Variants in ACE observed in about 807,000 individuals in gnomAD.
ACE encodes the protein angiotensin-converting enzyme.
ACE carries 122 observed loss-of-function variants against 162.3 expected under a neutral mutation model. The observed-to-expected ratio is 0.75, with a 90% CI of 0.65 to 0.87. The LOEUF (loss-of-function observed/expected upper bound fraction) is 0.87. Among genes scored for constraint, ACE ranks in the 40% least tolerant of loss-of-function variants. ACE has a pLI of 0.00. For synonymous variants in ACE, 796 were observed against 720.6 expected, an observed-to-expected ratio of 1.10 and a Z score of -1.68; for missense variants, 1,799 against 1,735.1, an observed-to-expected ratio of 1.04 and a Z score of -0.65.
rs543615193 is a variant in ACE, at chr17:63,478,946, A to G, written c.418-61A>G. On this transcript the variant is annotated intron_variant, in intron 2 of 24. Coordinates refer to ENST00000290866, the MANE Select transcript of ACE (RefSeq NM_000789.4). ...CTGTGGGCTCCTCCTTCTAGCAGCG[A>G]GGGGAGGGCAGATGTCCCAGGGGCT... is the stretch of plus-strand genomic sequence containing the variant. 1.5e-5 allele frequency: 21 copies of G among 1,424,624 alleles called. No homozygotes were observed. The South Asian group carries it at 2.4e-4, about 16-fold the overall frequency. The allele number at this position is 1,424,624 out of a possible 1,614,324, so 88.2% of individuals were successfully genotyped here.
In ACE at chr17:63,481,177, A is replaced by C; in HGVS notation, c.934A>C (p.Met312Leu). 6.7e-7 allele frequency: 1 copy of C among 1,486,804 alleles called. No individual in the cohort carries two copies. Among genetic ancestry groups the C allele is most frequent in the Non-Finnish European group, 9.1e-7 (1 of 1,095,364 alleles). The allele number at this position is 1,486,804 out of a possible 1,614,324, so 92.1% of individuals were successfully genotyped here. Reference protein sequence around the residue: ...DKPNLDVTSTMLQQGWNATHM... With the variant: ...DKPNLDVTSTLLQQGWNATHM... ...GCCCAACCTCGATGTCACCAGTACTATGCTGCAGCAGGTAAGCTCTGGGCT... is the reference window on the plus strand; with the variant it reads ...GCCCAACCTCGATGTCACCAGTACTCTGCTGCAGCAGGTAAGCTCTGGGCT... The change falls in exon 6 of 25, where the codon ATG becomes CTG. Residue 312 changes from methionine (M) to leucine (L), a missense_variant. Transcript: ENST00000290866.
At position 63,478,038 on chromosome 17, in the gene ACE, G is replaced by C; in HGVS notation, c.357G>C (p.Arg119Ser). 1.2e-6 allele frequency: 2 copies of C among 1,606,442 alleles called. No homozygotes were observed. Among genetic ancestry groups the C allele is most frequent in the Non-Finnish European group, 1.7e-6 (2 of 1,176,866 alleles). ...ACTTCACGGACCCGCAGCTGCGCAG[G>C]ATCATCGGAGCTGTGCGCACCCTGG... ...WQNFTDPQLR[R>S]IIGAVRTLGS... Residue 119 changes from arginine (R) to serine (S), a missense_variant, in exon 2 of 25, where the codon AGG (arginine) becomes AGC (serine). Arg to Ser is a moderately radical substitution (Grantham distance 110). Coordinates refer to ENST00000290866, the MANE Select transcript of ACE (RefSeq NM_000789.4).
Position 63,497,550 on chromosome 17 carries a change from C to T in ACE, c.*184C>T, listed in dbSNP as rs142566653. On this transcript the variant is annotated 3_prime_UTR_variant, in exon 25 of 25. Transcript: ENST00000290866. ...CGCCCCAGCCCCTTCTCCCAGCACA[C>T]GGCTGCCTGACACTGAGCCCCACCT... 1.6e-4 allele frequency: 114 copies of T among 708,564 alleles called. No homozygotes were observed. In the East Asian group the frequency reaches 2.2e-3, roughly 14 times the overall value. The allele number at this position is 708,564 out of a possible 1,614,324, so 43.9% of individuals were successfully genotyped here. A position where few individuals can be genotyped will look rare whatever the true frequency, so the allele number is the denominator to read the frequency against.
At chr17:63,478,963 C>A in intron 2 of ACE, 44 bp from the exon 3 acceptor site, 1 of 1,542,782 alleles carries the variant, frequency 6.5e-7, no homozygotes. Flanking sequence ...GGCAGATGTC[C>A]CAGGGGCTGG....
At position 63,491,987 on chromosome 17, in the gene ACE, A is replaced by T. The variant is rs556069556; in HGVS notation, c.2912+606A>T. 1.6e-4 allele frequency among the ~76,000 whole-genome samples: 25 copies of T among 152,274 alleles called. No individual in the cohort carries two copies. The highest frequency in any genetic ancestry group is 6.0e-4 in the African/African-American group (25 of 41,554). On this transcript the variant is annotated intron_variant, in intron 19 of 24. Transcript: ENST00000290866. The surrounding 1 kb of genome is among the most constrained non-coding windows in gnomAD (Gnocchi z 4.4). Reference sequence around the variant, plus strand: ...CAGCTCTCACAGCCGGGATGGCTCAATGGGGGCCATACGTCCAGAGCCCCA... The same window carrying T: ...CAGCTCTCACAGCCGGGATGGCTCATTGGGGGCCATACGTCCAGAGCCCCA...
chr17:63,486,867 C>T, intron 14 of ACE, 119 bp from the exon 15 acceptor site: 9 of 1,434,560 alleles, frequency 6.3e-6, no homozygotes, highest in South Asian at 1.2e-5. Context: ...GCTGAGAGGG[C>T]AGCGCTCCCC....
At chr17:63,481,522 C>G in intron 6 of ACE, 44 bp from the exon 7 acceptor site, 1 of 1,609,214 alleles carries the variant, frequency 6.2e-7, no homozygotes, top group Non-Finnish European at 8.5e-7. Flanking sequence ...CCCAGGCCAG[C>G]CAGAGTGGGC....
intron 22 of ACE, among the ~76,000 whole-genome samples, chr17:63,495,103 T>C (rs1195175174): frequency 6.6e-6 from 1 of 152,192 alleles, no homozygotes; most frequent in Non-Finnish European, 1.5e-5. Flanking sequence ...TTCTGTCTCA[T>C]ACACAGCCTC....
Position 63,488,774 on chromosome 17 carries a change from A to G in ACE, c.2432A>G (p.Gln811Arg), listed in dbSNP as rs1255043434. Reference sequence around the variant, plus strand: ...CCGAAATACGTGGAACTCATCAACCAGGCTGCCCGGCTCAATGGTGAGTCC... The same window carrying G: ...CCGAAATACGTGGAACTCATCAACCGGGCTGCCCGGCTCAATGGTGAGTCC... ...FYPKYVELIN[Q>R]AARLNGYVDA... The change falls in exon 16 of 25, where the codon CAG becomes CGG. Residue 811 changes from glutamine (Q) to arginine (R), a missense_variant. Gln to Arg is a conservative substitution (Grantham distance 43). Transcript: ENST00000290866. 6.2e-7 allele frequency: 1 copy of G among 1,613,838 alleles called. No homozygotes were observed. The highest frequency in any genetic ancestry group is 8.5e-7 in the Non-Finnish European group (1 of 1,180,018).
At chr17:63,483,383 A>G (rs1169368871) in intron 9 of ACE, 77 bp from the exon 10 acceptor site, 1 of 1,491,916 alleles carries the variant, frequency 6.7e-7, no homozygotes, top group East Asian at 2.3e-5. Flanking sequence ...GCCGGGTGGA[A>G]ATGCCTTTTC....
At position 63,483,107 on chromosome 17, in the gene ACE, G is replaced by A. The variant is rs762742726; in HGVS notation, c.1421G>A (p.Trp474Ter). The change falls in exon 9 of 25, where the codon TGG becomes TAG. Residue 474 changes from tryptophan to a stop codon, truncating the protein, a stop_gained. Coordinates refer to ENST00000290866, the MANE Select transcript of ACE (RefSeq NM_000789.4). LOFTEE classifies it high-confidence loss of function. ...CCCTTTGGCTACTTGGTGGACCAGT[G>A]GCGCTGGGGGGTCTTTAGTGGGCGT... ...FLPFGYLVDQ[W>*]RWGVFSGRTP... 6.2e-7 allele frequency: 1 copy of A among 1,614,178 alleles called. No individual in the cohort carries two copies. The highest frequency in any genetic ancestry group is 8.5e-7 in the Non-Finnish European group (1 of 1,180,036).
intron 22 of ACE, among the ~76,000 whole-genome samples, chr17:63,495,293 C>T (rs1330295105): frequency 6.6e-6 from 1 of 152,084 alleles, no homozygotes; most frequent in Admixed American, 6.5e-5. Context: ...CCGGGAGGCT[C>T]CCTGGGAGGC....
chr17:63,482,897 G>A (rs1441744061), intron 8 of ACE, 132 bp from the exon 9 acceptor site: 2 of 1,143,818 alleles, frequency 1.7e-6, no homozygotes, highest in Non-Finnish European at 2.6e-6. Flanking sequence ...AGGGCCCAGG[G>A]TCTCGAGGGC....
chr17:63,485,226 T>C lies in ACE; in HGVS notation c.1922-10T>C. 3.1e-6 allele frequency: 5 copies of C among 1,614,048 alleles called. No individual in the cohort carries two copies. The African/African-American group carries it at 5.3e-5, about 17-fold the overall frequency. On this transcript the variant is annotated splice_polypyrimidine_tract_variant and intron_variant, in intron 12 of 24. Transcript: ENST00000290866. ...GAGGTTTGTCTGTTTCCCTGCACTC[T>C]GTCCCACAGACCTGGTGACTGATGA... is the stretch of plus-strand genomic sequence containing the variant.
chr17:63,478,843 TC>T, intron 2 of ACE, 163 bp from the exon 3 acceptor site: 1 of 679,538 alleles, frequency 1.5e-6, no homozygotes, highest in Non-Finnish European at 2.7e-6. Flanking sequence ...TCAGAAGTGA[TC>T]CGGTCACACT....
chr17:63,480,600 C>T, intron 5 of ACE, 72 bp downstream of exon 5: 2 of 1,545,932 alleles, frequency 1.3e-6, no homozygotes, highest in African/African-American at 1.4e-5. Context: ...GGGGGATGTC[C>T]AGGGTAAGGG....
At position 63,484,804 on chromosome 17, in the gene ACE, C is replaced by A; in HGVS notation, c.1921+263C>A. 1 of 1,502,090 alleles carries A rather than the reference C, an allele frequency of 6.7e-7. No individual in the cohort carries two copies. The highest frequency in any genetic ancestry group is 1.3e-5 in the South Asian group (1 of 76,510). 93.0% of individuals were successfully genotyped at this position (1,502,090 alleles called of 1,614,324 possible). ...CCAGACACAAGGCTCTGTGAGGTCA[C>A]ACTGCGGGCTCCGCTCTTATTGGCC... On this transcript the variant is annotated intron_variant, in intron 12 of 24. Coordinates refer to ENST00000290866, the MANE Select transcript of ACE (RefSeq NM_000789.4). The surrounding 1 kb of genome is among the most constrained non-coding windows in gnomAD (Gnocchi z 4.0).
intron 22 of ACE, among the ~76,000 whole-genome samples, chr17:63,495,839 A>C (rs1172327849): frequency 6.6e-6 from 1 of 152,230 alleles, no homozygotes; most frequent in African/African-American, 2.4e-5. Context: ...ACATGCTTGC[A>C]CCCAGCATTC....
chr17:63,489,205 A>T (rs990317332), intron 17 of ACE, 73 bp downstream of exon 17: 1 of 1,547,136 alleles, frequency 6.5e-7, no homozygotes, highest in Non-Finnish European at 8.7e-7. Flanking sequence ...GACAGGGCTG[A>T]CTAGAGGGTA....
Sources: allele counts gnomAD v4.1 joint callset (sites outside exome capture counted in the v4.1 genomes callset), GRCh38; gene constraint gnomAD v4.1.1; non-coding constraint Gnocchi (gnomAD v3.1); transcripts MANE v1.5; gene names NCBI Gene and HGNC (gene_info 2026-07-23, HGNC 2026-07-21).